The following CYP11A1 variants were observed in gnomAD, a reference collection of about 807,000 sequenced individuals.
CYP11A1 encodes cytochrome P450 family 11 subfamily A member 1, also known as cholesterol side-chain cleavage enzyme, mitochondrial.
CYP11A1 carries 25 observed loss-of-function variants against 51.9 expected under a neutral mutation model. The ratio of observed to expected loss-of-function variants is 0.48; its 90% CI spans 0.35 to 0.67. The LOEUF is 0.67. Ranked by LOEUF, CYP11A1 falls within the 30% of genes least tolerant of loss-of-function variation. The pLI, the probability that CYP11A1 is intolerant of heterozygous loss-of-function variation, is 0.00. For missense variants in CYP11A1, 578 were observed against 680.9 expected, an observed-to-expected ratio of 0.85 and a Z score of 1.68; for synonymous variants, 245 against 262.1, an observed-to-expected ratio of 0.93 and a Z score of 0.63.
intron 1 of CYP11A1, chr15:74,361,600 T>G: frequency 1.8e-6 from 2 of 1,088,270 alleles, no homozygotes; most frequent in Non-Finnish European, 1.4e-6. Context: ...GGCGAGCCCT[T>G]GGGTCACGTC....
In CYP11A1 at chr15:74,347,933, T is replaced by C. The variant is rs2060639483; in HGVS notation, c.392A>G (p.Gln131Arg). Residue 131 changes from glutamine (Q) to arginine (R), a missense_variant, in exon 2 of 9, where the codon CAG (glutamine) becomes CGG (arginine). Transcript: ENST00000268053. ...FLIPPWVAYH[Q>R]YYQRPIGVLL... ...GACTCCTATGGGTCTCTGGTAATACTGGTGATAGGCGACCCAGGGCGGGAT... is the reference window on the plus strand; with the variant it reads ...GACTCCTATGGGTCTCTGGTAATACCGGTGATAGGCGACCCAGGGCGGGAT... 6.2e-7 allele frequency: 1 copy of C among 1,614,156 alleles called. No individual in the cohort carries two copies. Among genetic ancestry groups the C allele is most frequent in the South Asian group, 1.1e-5 (1 of 91,088 alleles).
intron 3 of CYP11A1, among the ~76,000 whole-genome samples, chr15:74,344,412 G>A (rs1269701147): frequency 6.6e-6 from 1 of 152,096 alleles, no homozygotes; most frequent in African/African-American, 2.4e-5. Context: ...AACCATCCAG[G>A]ACCTAGTCTT....
At position 74,343,934 on chromosome 15, in the gene CYP11A1, G is replaced by C; in HGVS notation, c.684C>G (p.Pro228=). ...RQGMLEEVVN[P]EAQRFIDAIY... ...TGGCATCAATGAATCGCTGGGCCTC[G>C]GGGTTCACTACTTCCTCCAGCATCC... is the stretch of plus-strand genomic sequence containing the variant. Residue 228 remains proline, a synonymous_variant, in exon 4 of 9, where the codon CCC becomes CCG. Transcript: ENST00000268053. The C allele has an allele frequency of 6.2e-7, 1 of 1,614,122 alleles. No individual in the cohort carries two copies. The highest frequency in any genetic ancestry group is 8.5e-7 in the Non-Finnish European group (1 of 1,180,026).
rs1211781160 is a variant in CYP11A1 at position 74,339,223 on chromosome 15, C to A, written c.1236+14G>T. Reference sequence around the variant, plus strand: ...TCTGACTGGCAGAGCCTGCAGCCTGCTGGCTGCACCTACCTTGGCAGGAAT... The same window carrying A: ...TCTGACTGGCAGAGCCTGCAGCCTGATGGCTGCACCTACCTTGGCAGGAAT... On this transcript the variant is annotated intron_variant, in intron 7 of 8. Coordinates refer to ENST00000268053, the MANE Select transcript of CYP11A1 (RefSeq NM_000781.3). The A allele has an allele frequency of 6.2e-7, 1 of 1,609,204 alleles. No individual in the cohort carries two copies. The highest frequency in any genetic ancestry group is 8.5e-7 in the Non-Finnish European group (1 of 1,175,494).
chr15:74,357,281 T>A (rs1468722055), intron 1 of CYP11A1, among the ~76,000 whole-genome samples: 1 of 152,232 alleles, frequency 6.6e-6, no homozygotes, highest in Non-Finnish European at 1.5e-5. Flanking sequence ...TTACCTGGGC[T>A]GTACTGCTGC....
Position 74,339,421 on chromosome 15 carries a change from G to A in CYP11A1, c.1158-106C>T, listed in dbSNP as rs911701028. On this transcript the variant is annotated intron_variant, in intron 6 of 8. Coordinates refer to ENST00000268053, the MANE Select transcript of CYP11A1 (RefSeq NM_000781.3). The stretch of plus-strand genomic sequence containing the variant: ...TCAGCCCTAGCTGCAGCAGCCTGGG[G>A]GGACCTGGGGGTAGGGCCCTGGCTC... 66 of 1,406,136 alleles carry A rather than the reference G, an allele frequency of 4.7e-5. No individual in the cohort carries two copies. In the African/African-American group the frequency reaches 7.5e-4, roughly 16 times the overall value. The allele number at this position is 1,406,136 out of a possible 1,614,324, so 87.1% of individuals were successfully genotyped here. A position where few individuals can be genotyped will look rare whatever the true frequency, so the allele number is the denominator to read the frequency against.
chr15:74,345,401 G>T lies in CYP11A1; in HGVS notation c.426-158C>A. 1.4e-6 allele frequency: 1 copy of T among 716,108 alleles called. No homozygotes were observed. Among genetic ancestry groups the T allele is most frequent in the Non-Finnish European group, 2.5e-6 (1 of 405,518 alleles). 44.4% of individuals were successfully genotyped at this position (716,108 alleles called of 1,614,324 possible). On this transcript the variant is annotated intron_variant, in intron 2 of 8. Transcript: ENST00000268053. This position sits in a 1 kb window ranked among gnomAD's most constrained non-coding sequence, Gnocchi z 4.3. ...GCCCTCACCTCTCCGAGCACCCTCT[G>T]CCTCTCACCTCCTCCCTGCTCTGCC...
At chr15:74,343,393 A>AGT (rs1403166138) in intron 4 of CYP11A1, among the ~76,000 whole-genome samples, 2 of 152,304 alleles carry the variant, frequency 1.3e-5, no homozygotes, top group African/African-American at 4.8e-5. Flanking sequence ...GCCCAAGGTC[A>AGT]CATGGCTGTA....
At chr15:74,365,537 T>G in intron 1 of CYP11A1, 5 of 357,292 alleles carry the variant, frequency 1.4e-5, no homozygotes, top group Non-Finnish European at 2.0e-5. Context: ...TAGGGAGGCA[T>G]TTAGTAGGGC....
At chr15:74,358,930 G>GC (rs1156241756) in intron 1 of CYP11A1, among the ~76,000 whole-genome samples, 2 of 152,020 alleles carry the variant, frequency 1.3e-5, no homozygotes, top group African/African-American at 4.8e-5. Flanking sequence ...ACCAAACTCA[G>GC]CCTCCAACTT....
chr15:74,352,516 G>A (rs2060660848), intron 1 of CYP11A1, among the ~76,000 whole-genome samples: 1 of 152,092 alleles, frequency 6.6e-6, no homozygotes, highest in African/African-American at 2.4e-5. Flanking sequence ...TGATCTGCCT[G>A]CCTCAGCCTC....
intron 6 of CYP11A1, 109 bp from the exon 7 acceptor site, chr15:74,339,424 A>T (rs2060595631): frequency 2.2e-6 from 3 of 1,393,336 alleles, no homozygotes; most frequent in Non-Finnish European, 2.0e-6. Context: ...GCCTGGGGGG[A>T]CCTGGGGGTA....
Position 74,338,063 on chromosome 15 carries a change from T to G in CYP11A1, c.1475A>C (p.Asp492Ala). ...NFRVEIQHLS[D>A]VGTTFNLILM... ...AATGAGGTTGAATGTGGTGCCCACA[T>G]CGCTGAGGTGTTGGATTTCAACTCT... The change falls in exon 9 of 9, where the codon GAT (aspartate) becomes GCT (alanine). Residue 492 changes from aspartate to alanine, a missense_variant. By Grantham distance (126) the Asp-to-Ala change is moderately radical. Coordinates refer to ENST00000268053, the MANE Select transcript of CYP11A1 (RefSeq NM_000781.3). 1.2e-6 allele frequency: 2 copies of G among 1,614,164 alleles called. No homozygotes were observed. The highest frequency in any genetic ancestry group is 1.7e-6 in the Non-Finnish European group (2 of 1,180,020).
At chr15:74,348,132 C>T in intron 1 of CYP11A1, 77 bp from the exon 2 acceptor site, 2 of 1,538,738 alleles carry the variant, frequency 1.3e-6, no homozygotes, top group Non-Finnish European at 1.8e-6. Context: ...AGCTGCCTCA[C>T]AGTTCCACAA....
rs375316595 is a variant in CYP11A1 at position 74,367,276 on chromosome 15, T to A, written c.269+41A>T. 3 of 1,607,858 alleles carry A rather than the reference T, an allele frequency of 1.9e-6. No homozygotes were observed. In the African/African-American group the frequency reaches 4.0e-5, roughly 22 times the overall value. ...ACAGCAGGGCTACCCAGGCCCCTCC[T>A]CCTCCCTGTCCCTTCGGCTCCCACC... is the stretch of plus-strand genomic sequence containing the variant. On this transcript the variant is annotated intron_variant, in intron 1 of 8. Transcript: ENST00000268053.
intron 3 of CYP11A1, among the ~76,000 whole-genome samples, chr15:74,344,722 T>C (rs1426626662): frequency 6.6e-6 from 1 of 152,180 alleles, no homozygotes; most frequent in Non-Finnish European, 1.5e-5. Flanking sequence ...ACTTGCAGAA[T>C]GAAGGTCCAA....
At chr15:74,357,951 C>T (rs1002077311) in intron 1 of CYP11A1, among the ~76,000 whole-genome samples, 6 of 152,232 alleles carry the variant, frequency 3.9e-5, no homozygotes, top group Admixed American at 2.6e-4. Flanking sequence ...GAACTCATTG[C>T]CTTAACTGGA....
chr15:74,349,801 C>T (rs1018078546), intron 1 of CYP11A1, among the ~76,000 whole-genome samples: 1 of 151,942 alleles, frequency 6.6e-6, no homozygotes, highest in Middle Eastern at 3.2e-3. Flanking sequence ...TATTAGAGGC[C>T]AGGCACAGTG....
At chr15:74,348,236 G>T in intron 1 of CYP11A1, 181 bp from the exon 2 acceptor site, 1 of 633,668 alleles carries the variant, frequency 1.6e-6, no homozygotes, top group East Asian at 2.8e-5. Flanking sequence ...TACCTGTCTC[G>T]CAGCGCTGCT....
Sources: gnomAD v4.1 joint callset for allele counts (sites outside exome capture counted in the v4.1 genomes callset) on GRCh38, gnomAD v4.1.1 for gene constraint, Gnocchi (gnomAD v3.1) non-coding constraint, MANE v1.5 for transcripts, NCBI Gene and HGNC (gene_info 2026-07-23, HGNC 2026-07-21) for gene names.